Variants in YEATS4 observed in about 807,000 individuals in gnomAD.
The protein encoded by YEATS4 is YEATS domain containing 4.
Under a neutral mutation model 30.1 loss-of-function variants are expected in YEATS4, and 17 were observed. That is an observed-to-expected ratio of 0.56 (90% CI 0.39 to 0.85). YEATS4 has a LOEUF of 0.85. Among genes scored for constraint, YEATS4 ranks in the 40% least tolerant of loss-of-function variants. YEATS4 has a pLI of 0.00. For synonymous variants in YEATS4, 85 were observed against 87.5 expected (o/e 0.97, Z 0.16); for missense variants, 142 against 268.3 (o/e 0.53, Z 3.29).
chr12:69,407,956 T>G, the YEATS4 span, among the ~76,000 whole-genome samples: 1 of 152,156 alleles, frequency 6.6e-6, no homozygotes, highest in Non-Finnish European at 1.5e-5. Flanking sequence ...CCTCAGGTGA[T>G]CCGCCCACCT....
chr12:69,385,126 C>T (rs1359512332), intron 6 of YEATS4, among the ~76,000 whole-genome samples: 1 of 152,092 alleles, frequency 6.6e-6, no homozygotes, highest in East Asian at 1.9e-4. Context: ...ATCCTCCTGC[C>T]TTGGCCCCCT....
chr12:69,398,155 C>T, the YEATS4 span, among the ~76,000 whole-genome samples: 1 of 152,192 alleles, frequency 6.6e-6, no homozygotes. Flanking sequence ...AGGCTGTTCA[C>T]TCTTTCCACA....
the YEATS4 span, among the ~76,000 whole-genome samples, chr12:69,404,289 A>G: frequency 6.6e-6 from 1 of 152,214 alleles, no homozygotes; most frequent in Non-Finnish European, 1.5e-5. Flanking sequence ...AGATGGCATT[A>G]GTACCAATGC....
intron 2 of YEATS4, 141 bp downstream of exon 2, chr12:69,363,048 A>T: frequency 1.5e-6 from 1 of 685,046 alleles, no homozygotes; most frequent in Non-Finnish European, 1.9e-6. Context: ...GCTGGAGTGC[A>T]GTGGCGCGAT....
At chr12:69,393,817 G>A (rs368572048), downstream of YEATS4, among the ~76,000 whole-genome samples, 21 of 152,248 alleles carry the variant, frequency 1.4e-4, no homozygotes, top group East Asian at 3.9e-3. Flanking sequence ...TCTCGTGTGT[G>A]CTTGAGATTT....
intron 6 of YEATS4, among the ~76,000 whole-genome samples, chr12:69,372,802 T>C (rs1875698682): frequency 6.6e-6 from 1 of 152,148 alleles, no homozygotes. Flanking sequence ...CCTCCCAAAG[T>C]GCTAGGATTA....
At chr12:69,415,086 G>A in the YEATS4 span, among the ~76,000 whole-genome samples, 3 of 152,132 alleles carry the variant, frequency 2.0e-5, no homozygotes, top group African/African-American at 4.8e-5. Flanking sequence ...CATGCTGAGC[G>A]CACACTTGCC....
intron 2 of YEATS4, chr12:69,364,068 A>T: frequency 3.0e-6 from 1 of 333,046 alleles, no homozygotes; most frequent in Non-Finnish European, 6.0e-6. Flanking sequence ...GAGAAAGGGT[A>T]TTGAGGTAAG....
intron 4 of YEATS4, among the ~76,000 whole-genome samples, chr12:69,366,196 C>T (rs915723225): frequency 6.6e-6 from 1 of 152,002 alleles, no homozygotes; most frequent in African/African-American, 2.4e-5. Context: ...AAGTTGAGCC[C>T]ATATGCTGTG....
intron 4 of YEATS4, among the ~76,000 whole-genome samples, 169 bp downstream of exon 4, chr12:69,366,053 A>G (rs1287535135): frequency 6.6e-6 from 1 of 151,652 alleles, no homozygotes; most frequent in Non-Finnish European, 1.5e-5. Context: ...GCCTTTCAAA[A>G]TCCTTTTTTT....
chr12:69,398,146 G>T, the YEATS4 span, among the ~76,000 whole-genome samples: 1 of 152,108 alleles, frequency 6.6e-6, no homozygotes, highest in Non-Finnish European at 1.5e-5. Flanking sequence ...AAAAAGATAA[G>T]GCTGTTCACT....
chr12:69,367,208 T>C (rs904444033), intron 4 of YEATS4, among the ~76,000 whole-genome samples: 7 of 152,224 alleles, frequency 4.6e-5, no homozygotes, highest in African/African-American at 1.4e-4. Flanking sequence ...CCTGAACTTT[T>C]TACTGATTAC....
downstream of YEATS4, among the ~76,000 whole-genome samples, chr12:69,392,156 A>T (rs1222550123): frequency 6.6e-6 from 1 of 152,216 alleles, no homozygotes; most frequent in Non-Finnish European, 1.5e-5. Context: ...TGCATCATTC[A>T]TCATTAGGAA....
chr12:69,390,621 C>A lies in YEATS4; in HGVS notation c.*305C>A, dbSNP rs1418778447. ...TATAGCTTATTACCCTTTTGACAGG[C>A]ATCAAAATTTCATTATAAAGTATTA... On this transcript the variant is annotated 3_prime_UTR_variant, in exon 7 of 7. Transcript: ENST00000247843. 1.2e-5 allele frequency: 2 copies of A among 165,074 alleles called. No individual in the cohort carries two copies. Among genetic ancestry groups the A allele is most frequent in the Non-Finnish European group, 2.6e-5 (2 of 76,486 alleles). The allele number at this position is 165,074 out of a possible 1,614,324, so 10.2% of individuals were successfully genotyped here. A position where few individuals can be genotyped will look rare whatever the true frequency, so the allele number is the denominator to read the frequency against.
At chr12:69,389,416 C>T (rs1344206372) in intron 6 of YEATS4, among the ~76,000 whole-genome samples, 9 of 148,142 alleles carry the variant, frequency 6.1e-5, no homozygotes, top group African/African-American at 2.3e-4. Flanking sequence ...TGCCACTGCT[C>T]TCCAGCCTGG....
Position 69,362,989 on chromosome 12 carries a change from T to A in YEATS4, c.171+82T>A, listed in dbSNP as rs1318481503. 4.7e-4 allele frequency: 554 copies of A among 1,174,954 alleles called. 13 individuals carry two copies. Among genetic ancestry groups the A allele is most frequent in the Middle Eastern group, 1.8e-3 (7 of 3,920 alleles). The allele number at this position is 1,174,954 out of a possible 1,614,324, so 72.8% of individuals were successfully genotyped here. On this transcript the variant is annotated intron_variant, in intron 2 of 6. Transcript: ENST00000247843. Reference sequence around the variant, plus strand: ...GCTTAAAGACAACCTGTAGTTTTTTTTTTTTTTTTTTTTTTTTTTTTGAGA... The same window carrying A: ...GCTTAAAGACAACCTGTAGTTTTTTATTTTTTTTTTTTTTTTTTTTTGAGA...
intron 6 of YEATS4, among the ~76,000 whole-genome samples, chr12:69,384,228 T>TA (rs1481970869): frequency 9.8e-5 from 15 of 152,356 alleles, no homozygotes; most frequent in African/African-American, 2.9e-4. Context: ...CTTTCTCTCA[T>TA]ACCATGAAAT....
intron 6 of YEATS4, 81 bp from the exon 7 acceptor site, chr12:69,390,066 G>A: frequency 8.8e-7 from 1 of 1,137,136 alleles, no homozygotes; most frequent in Non-Finnish European, 1.2e-6. Flanking sequence ...ATTGTCGTCA[G>A]GAAATGCCAT....
intron 4 of YEATS4, among the ~76,000 whole-genome samples, chr12:69,369,851 T>G (rs1239431113): frequency 6.6e-6 from 1 of 152,222 alleles, no homozygotes; most frequent in African/African-American, 2.4e-5. Context: ...TTCCACTTGC[T>G]GAGCCATGTC....
Sources: allele counts gnomAD v4.1 joint callset (sites outside exome capture counted in the v4.1 genomes callset), GRCh38; gene constraint gnomAD v4.1.1; transcripts MANE v1.5; gene names NCBI Gene and HGNC (gene_info 2026-07-23, HGNC 2026-07-21).